NMNAT2: variants seen among roughly 807,000 people sequenced by gnomAD.
NMNAT2 encodes the protein nicotinamide/nicotinic acid mononucleotide adenylyltransferase 2.
NMNAT2 carries 11 observed loss-of-function variants against 41.6 expected under a neutral mutation model. That is an observed-to-expected ratio of 0.26 (90% CI 0.17 to 0.44). The LOEUF (loss-of-function observed/expected upper bound fraction) is 0.44, where lower values mean the gene tolerates loss of function less well. Among genes scored for constraint, NMNAT2 ranks in the 20% least tolerant of loss-of-function variants. The pLI is 1.00. For missense variants in NMNAT2, 288 were observed against 407.7 expected (o/e 0.71, Z 2.53); for synonymous variants, 148 against 151.2 (o/e 0.98, Z 0.16).
At chr1:183,385,951 G>T (rs951808724) in intron 1 of NMNAT2, among the ~76,000 whole-genome samples, 1 of 152,124 alleles carries the variant, frequency 6.6e-6, no homozygotes, top group Non-Finnish European at 1.5e-5. Flanking sequence ...CACTGATGAG[G>T]GCCCGAGGGG....
chr1:183,269,366 T>G (rs1264933433), intron 8 of NMNAT2, among the ~76,000 whole-genome samples: 1 of 152,244 alleles, frequency 6.6e-6, no homozygotes, highest in Non-Finnish European at 1.5e-5. Context: ...TTAGAGTATT[T>G]TAAACACAGG....
chr1:183,264,565 T>TA lies in NMNAT2; in HGVS notation c.652-3263dup, dbSNP rs1258704627. On this transcript the variant is annotated intron_variant, in intron 8 of 10. Transcript: ENST00000287713. ...CTCCTTTGGCCAGACACTGTTTTTG[T>TA]AGCACCTGTTTGGAGAATTATGGGA... is the stretch of plus-strand genomic sequence containing the variant. Among the ~76,000 whole-genome samples, 3 of 152,178 alleles carry TA rather than the reference T, an allele frequency of 2.0e-5. No homozygotes were observed. In the East Asian group the frequency reaches 5.8e-4, roughly 29 times the overall value.
chr1:183,401,322 C>G (rs1452203966), intron 1 of NMNAT2, among the ~76,000 whole-genome samples: 2 of 152,208 alleles, frequency 1.3e-5, no homozygotes, highest in African/African-American at 2.4e-5. Flanking sequence ...AAATGCTCAT[C>G]ATCACTGGCC....
intron 1 of NMNAT2, among the ~76,000 whole-genome samples, chr1:183,338,550 T>C (rs1662727973): frequency 6.6e-6 from 1 of 152,234 alleles, no homozygotes; most frequent in African/African-American, 2.4e-5. Context: ...CACGGTCTTA[T>C]GATAATCAAA....
chr1:183,301,725 C>T (rs1056918936), intron 1 of NMNAT2, among the ~76,000 whole-genome samples: 2 of 152,182 alleles, frequency 1.3e-5, no homozygotes, highest in Non-Finnish European at 2.9e-5. Flanking sequence ...GATGTCCAGC[C>T]AAGGACAGAC....
rs12024292 is a variant in NMNAT2, at chr1:183,267,572, G to C, written c.652-6269C>G. Among the ~76,000 whole-genome samples the C allele has an allele frequency of 2.1e-3, 324 of 152,284 alleles. 6 individuals carry two copies. The East Asian group carries it at 0.053, about 25-fold the overall frequency. On this transcript the variant is annotated intron_variant, in intron 8 of 10. Transcript: ENST00000287713. Reference sequence around the variant, plus strand: ...ACAGGTACCTCAGCACCTCTGAGAAGTCCAGCAAGAATAAGGACATTCCCC... The same window carrying C: ...ACAGGTACCTCAGCACCTCTGAGAACTCCAGCAAGAATAAGGACATTCCCC...
At chr1:183,390,226 A>G (rs1195792986) in intron 1 of NMNAT2, among the ~76,000 whole-genome samples, 1 of 152,186 alleles carries the variant, frequency 6.6e-6, no homozygotes, top group Non-Finnish European at 1.5e-5. Flanking sequence ...AAAAATGCCC[A>G]TGGTACCAGT....
At chr1:183,315,464 T>TTGTGTG (rs57796667) in intron 1 of NMNAT2, among the ~76,000 whole-genome samples, 1 of 150,286 alleles carries the variant, frequency 6.7e-6, no homozygotes, top group African/African-American at 2.4e-5. Context: ...GTGTGTGCGC[T>TTGTGTG]TGTGTGTGTG....
chr1:183,298,367 A>G (rs889063395), intron 1 of NMNAT2, among the ~76,000 whole-genome samples: 6 of 152,236 alleles, frequency 3.9e-5, no homozygotes, highest in Admixed American at 3.3e-4. Context: ...TACAAGATCA[A>G]CATAAGAAAA....
chr1:183,253,903 CCGTG>C (rs1660453522), intron 10 of NMNAT2, among the ~76,000 whole-genome samples: 1 of 129,316 alleles, frequency 7.7e-6, no homozygotes, highest in Admixed American at 8.1e-5. Flanking sequence ...TGTTCCACTT[CCGTG>C]TGTGTGTGTG....
intron 1 of NMNAT2, among the ~76,000 whole-genome samples, chr1:183,382,947 G>C (rs891663858): frequency 6.6e-6 from 1 of 152,174 alleles, no homozygotes; most frequent in Non-Finnish European, 1.5e-5. Context: ...ACTCTGTGTG[G>C]GGGCTCCAAT....
At chr1:183,407,658 C>T (rs1211911511) in intron 1 of NMNAT2, among the ~76,000 whole-genome samples, 4 of 152,132 alleles carry the variant, frequency 2.6e-5, no homozygotes, top group Non-Finnish European at 5.9e-5. Flanking sequence ...ATAACTACAA[C>T]CCATAGCACA....
At chr1:183,388,980 C>T (rs754627116) in intron 1 of NMNAT2, among the ~76,000 whole-genome samples, 97 of 152,302 alleles carry the variant, frequency 6.4e-4, no homozygotes, top group Non-Finnish European at 7.9e-4. Context: ...AGCAAACACA[C>T]GTCATGGAGC....
intron 1 of NMNAT2, among the ~76,000 whole-genome samples, chr1:183,380,688 G>T (rs1663785793): frequency 6.6e-6 from 1 of 152,100 alleles, no homozygotes; most frequent in Non-Finnish European, 1.5e-5. Context: ...TTAAAAAATG[G>T]AAATTCGACA....
chr1:183,359,055 A>G (rs1238829921), intron 1 of NMNAT2, among the ~76,000 whole-genome samples: 1 of 152,192 alleles, frequency 6.6e-6, no homozygotes, highest in African/African-American at 2.4e-5. Flanking sequence ...AAATGTACTT[A>G]TAGAAATTCC....
intron 1 of NMNAT2, among the ~76,000 whole-genome samples, chr1:183,401,616 G>A (rs1372915827): frequency 2.0e-5 from 3 of 151,948 alleles, no homozygotes; most frequent in Admixed American, 1.3e-4. Context: ...ACATGCACAA[G>A]TATGTTTATT....
At chr1:183,304,889 C>G in intron 1 of NMNAT2, 2 of 1,481,556 alleles carry the variant, frequency 1.3e-6, no homozygotes, top group Non-Finnish European at 9.0e-7. Context: ...TTTGTCCTTA[C>G]AGCCAGGAAA....
At position 183,278,596 on chromosome 1, in the gene NMNAT2, A is replaced by C; in HGVS notation, c.608T>G (p.Leu203Arg). The C allele has an allele frequency of 6.2e-7, 1 of 1,614,046 alleles. No individual in the cohort carries two copies. Among genetic ancestry groups the C allele is most frequent in the Non-Finnish European group, 8.5e-7 (1 of 1,179,876 alleles). ...CCCTGGGATGCAGAAGGACTCCAGC[A>C]GGTCACTACCACACAGCAGCAGGAT... ...LRILLLCGSDLLESFCIPGLW... is the reference protein window; with the variant it reads ...LRILLLCGSDRLESFCIPGLW... The change falls in exon 8 of 11, where the codon CTG becomes CGG. Residue 203 changes from leucine (L) to arginine (R), a missense_variant. By Grantham distance (102) the Leu-to-Arg change is moderately radical. Around this residue, in one of 3 missense-constraint regions of NMNAT2, gnomAD observed 181 missense variants for 213.7 expected, o/e 0.85. Coordinates refer to ENST00000287713, the MANE Select transcript of NMNAT2 (RefSeq NM_015039.4).
chr1:183,347,011 T>G (rs1662944584), intron 1 of NMNAT2, among the ~76,000 whole-genome samples: 1 of 152,150 alleles, frequency 6.6e-6, no homozygotes, highest in South Asian at 2.1e-4. Context: ...TTCCTTGACC[T>G]TCTGGGTGGG....
Sources: allele counts gnomAD v4.1 joint callset (sites outside exome capture counted in the v4.1 genomes callset), GRCh38; gene constraint gnomAD v4.1.1; regional missense constraint gnomAD v4.1.1; transcripts MANE v1.5; gene names NCBI Gene and HGNC (gene_info 2026-07-23, HGNC 2026-07-21).